BMPR2: variants seen among roughly 807,000 people sequenced by gnomAD.
The protein encoded by BMPR2 is bone morphogenetic protein receptor type-2.
A neutral mutation model predicts 100.8 loss-of-function variants in BMPR2; 29 were observed. The ratio of observed to expected loss-of-function variants is 0.29; its 90% CI spans 0.21 to 0.39. The LOEUF is 0.39. Among genes scored for constraint, BMPR2 ranks in the 10% least tolerant of loss-of-function variants. The pLI, the probability that BMPR2 is intolerant of heterozygous loss-of-function variation, is 1.00. For missense variants in BMPR2, 1,011 were observed against 1,274.5 expected, an observed-to-expected ratio of 0.79 and a Z score of 3.15; for synonymous variants, 382 against 442.3, an observed-to-expected ratio of 0.86 and a Z score of 1.71.
intron 2 of BMPR2, among the ~76,000 whole-genome samples, 195 bp from the exon 3 acceptor site, chr2:202,467,324 T>C (rs947662129): frequency 4.6e-5 from 7 of 152,068 alleles, no homozygotes; most frequent in African/African-American, 1.7e-4. Flanking sequence ...GGTGGCCTTT[T>C]CCCCCCCATG....
In BMPR2 at chr2:202,512,723, G is replaced by A. The variant is rs182625795; in HGVS notation, c.419-996G>A. 2.6e-3 allele frequency among the ~76,000 whole-genome samples: 395 copies of A among 152,228 alleles called. 1 individual carries two copies. Among genetic ancestry groups the A allele is most frequent in the African/African-American group, 9.2e-3 (381 of 41,540 alleles). On this transcript the variant is annotated intron_variant, in intron 3 of 12. Transcript: ENST00000374580. ...ATAAAATGTTTACATGTTTGTGATA[G>A]CCCTGTGATTTACCTATGTGTGTTC...
At chr2:202,464,130 G>C (rs540981946) in intron 1 of BMPR2, among the ~76,000 whole-genome samples, 23 of 134,418 alleles carry the variant, frequency 1.7e-4, no homozygotes, top group Non-Finnish European at 3.4e-4. Context: ...TTGCACTCCA[G>C]CCTGGGCATC....
intron 1 of BMPR2, among the ~76,000 whole-genome samples, chr2:202,456,436 C>G (rs1218138309): frequency 2.0e-5 from 3 of 151,464 alleles, no homozygotes. Flanking sequence ...TCTCGACCTT[C>G]CAAACTGCTG....
At position 202,513,700 on chromosome 2, in the gene BMPR2, A is replaced by G. The variant is rs981632248; in HGVS notation, c.419-19A>G. On this transcript the variant is annotated intron_variant, in intron 3 of 12. Coordinates refer to ENST00000374580, the MANE Select transcript of BMPR2 (RefSeq NM_001204.7). Reference sequence around the variant, plus strand: ...CTTTTTTAAAAAAAAATGACATTTCAAAATTTGTTTTCTTTTAGGTCCACC... The same window carrying G: ...CTTTTTTAAAAAAAAATGACATTTCGAAATTTGTTTTCTTTTAGGTCCACC... The G allele has an allele frequency of 1.3e-6, 2 of 1,591,348 alleles. No homozygotes were observed. The highest frequency in any genetic ancestry group is 1.8e-4 in the Middle Eastern group (1 of 5,646).
At position 202,560,837 on chromosome 2, in the gene BMPR2, CATTTT is replaced by C. The variant is rs1344770234; in HGVS notation, c.*902_*906del. 6.6e-6 allele frequency: 1 copy of C among 152,238 alleles called. No homozygotes were observed. Among genetic ancestry groups the C allele is most frequent in the African/African-American group, 2.4e-5 (1 of 41,372 alleles). The allele number at this position is 152,238 out of a possible 1,614,324, so 9.4% of individuals were successfully genotyped here. A position where few individuals can be genotyped will look rare whatever the true frequency, so the allele number is the denominator to read the frequency against. ...AGGACATCAAATATTAGCCATTTCCCATTTTATTTTATTTTTCTATGTAGGTTCAT... is the reference window on the plus strand; with the variant it reads ...AGGACATCAAATATTAGCCATTTCCCATTTTATTTTTCTATGTAGGTTCAT... On this transcript the variant is annotated 3_prime_UTR_variant, in exon 13 of 13. Transcript: ENST00000374580.
chr2:202,454,233 C>G (rs991243748), intron 1 of BMPR2, among the ~76,000 whole-genome samples: 6 of 152,028 alleles, frequency 3.9e-5, no homozygotes, highest in African/African-American at 1.4e-4. Context: ...CCACACCTGG[C>G]TAATTTTTTG....
chr2:202,487,079 G>T (rs976459701), intron 3 of BMPR2, among the ~76,000 whole-genome samples: 3 of 152,130 alleles, frequency 2.0e-5, no homozygotes, highest in African/African-American at 7.2e-5. Context: ...AAAAATGCCT[G>T]CCTAATAGAG....
intron 1 of BMPR2, among the ~76,000 whole-genome samples, chr2:202,384,385 TA>T (rs1690372413): frequency 1.3e-5 from 2 of 152,266 alleles, no homozygotes; most frequent in South Asian, 4.1e-4. Flanking sequence ...TGAGACATGA[TA>T]AAGTATTGTG....
intron 3 of BMPR2, among the ~76,000 whole-genome samples, chr2:202,477,865 C>T (rs1408832958): frequency 6.6e-6 from 1 of 151,870 alleles, no homozygotes; most frequent in African/African-American, 2.4e-5. Flanking sequence ...TTTTTTCCTC[C>T]AATTGTATAT....
chr2:202,465,509 G>A (rs1692301637), intron 2 of BMPR2, among the ~76,000 whole-genome samples: 1 of 152,014 alleles, frequency 6.6e-6, no homozygotes, highest in African/African-American at 2.4e-5. Context: ...TATGAATTTT[G>A]GAATATATAG....
chr2:202,391,585 C>G (rs1690550204), intron 1 of BMPR2, among the ~76,000 whole-genome samples: 1 of 150,094 alleles, frequency 6.7e-6, no homozygotes, highest in South Asian at 2.1e-4. Flanking sequence ...CACCAACACA[C>G]CTGACCAGTG....
At position 202,376,938 on chromosome 2, in the gene BMPR2, A is replaced by T. The variant is rs2105891648; in HGVS notation, c.-537A>T. The T allele has an allele frequency of 4.5e-6, 2 of 447,406 alleles. No individual in the cohort carries two copies. The highest frequency in any genetic ancestry group is 1.3e-4 in the South Asian group (2 of 15,284). 27.7% of individuals were successfully genotyped at this position (447,406 alleles called of 1,614,324 possible). A position where few individuals can be genotyped will look rare whatever the true frequency, so the allele number is the denominator to read the frequency against. On this transcript the variant is annotated 5_prime_UTR_variant, in exon 1 of 13. Transcript: ENST00000374580. The stretch of plus-strand genomic sequence containing the variant: ...GTTGTTTTCGAAATCAGAGTGAAGG[A>T]AGCACCGAAGCGAAACTTAAGGAAT...
Position 202,555,320 on chromosome 2 carries a change from T to C in BMPR2, c.1655T>C (p.Ile552Thr), listed in dbSNP as rs143539022. The change falls in exon 12 of 13, where the codon ATT becomes ACT. Residue 552 changes from isoleucine (I) to threonine (T), a missense_variant. This residue lies in a region of BMPR2 where 508 missense variants were observed against 552.0 expected (regional missense o/e 0.92). Transcript: ENST00000374580. ...PYPDYSSSSY[I>T]EDSIHHTDSI... is the part of the protein sequence containing the mutation. ...CCAGATTATTCTTCCTCCTCATACA[T>C]TGAAGACTCTATCCATCATACTGAC... 12 of 1,614,076 alleles carry C rather than the reference T, an allele frequency of 7.4e-6. No individual in the cohort carries two copies. The highest frequency in any genetic ancestry group is 1.3e-5 in the African/African-American group (1 of 74,934).
At chr2:202,438,227 C>T (rs1691655700) in intron 1 of BMPR2, among the ~76,000 whole-genome samples, 2 of 150,356 alleles carry the variant, frequency 1.3e-5, no homozygotes, top group African/African-American at 2.5e-5. Flanking sequence ...GCAGGAGAAT[C>T]GCTTGAACCC....
chr2:202,382,403 C>T (rs941440271), intron 1 of BMPR2, among the ~76,000 whole-genome samples: 1 of 151,922 alleles, frequency 6.6e-6, no homozygotes, highest in South Asian at 2.1e-4. Flanking sequence ...GTTGGCCAGG[C>T]TGGTCTCAAA....
chr2:202,394,706 CTTTA>C (rs934225779), intron 1 of BMPR2, among the ~76,000 whole-genome samples: 1 of 151,922 alleles, frequency 6.6e-6, no homozygotes, highest in Non-Finnish European at 1.5e-5. Context: ...ATACTACGTG[CTTTA>C]TTTAACCTGA....
chr2:202,535,908 C>A lies in BMPR2; in HGVS notation c.1276+3176C>A, dbSNP rs1386721434. 7.2e-5 allele frequency among the ~76,000 whole-genome samples: 11 copies of A among 152,336 alleles called. No individual in the cohort carries two copies. In the East Asian group the frequency reaches 2.1e-3, roughly 29 times the overall value. ...GACCGGCCTGGCCAACACAGCGAAACCCCGTCTCCACCAAAACCAGTCAGG... is the reference window on the plus strand; with the variant it reads ...GACCGGCCTGGCCAACACAGCGAAAACCCGTCTCCACCAAAACCAGTCAGG... On this transcript the variant is annotated intron_variant, in intron 9 of 12. Coordinates refer to ENST00000374580, the MANE Select transcript of BMPR2 (RefSeq NM_001204.7).
chr2:202,500,414 A>G (rs1687359319), intron 3 of BMPR2, among the ~76,000 whole-genome samples: 1 of 152,210 alleles, frequency 6.6e-6, no homozygotes, highest in African/African-American at 2.4e-5. Flanking sequence ...TATTATCTAC[A>G]TGAATATGGG....
At chr2:202,398,945 A>G (rs527305832) in intron 1 of BMPR2, among the ~76,000 whole-genome samples, 12 of 152,274 alleles carry the variant, frequency 7.9e-5, no homozygotes, top group African/African-American at 2.4e-4. Context: ...TGTGATCAAC[A>G]TTGAGAAACC....
Sources: gnomAD v4.1 joint callset for allele counts (sites outside exome capture counted in the v4.1 genomes callset) on GRCh38, gnomAD v4.1.1 for gene constraint, gnomAD v4.1.1 regional missense constraint, MANE v1.5 for transcripts, NCBI Gene and HGNC (gene_info 2026-07-23, HGNC 2026-07-21) for gene names.